The following RIMS2 variants were observed in gnomAD, a reference collection of about 807,000 sequenced individuals.
The protein encoded by RIMS2 is regulating synaptic membrane exocytosis protein 2.
In RIMS2, 59 loss-of-function variants were observed where a neutral mutation model predicts 174.4. The ratio of observed to expected loss-of-function variants is 0.34; its 90% CI spans 0.27 to 0.42. The LOEUF (loss-of-function observed/expected upper bound fraction) is 0.42, where lower values mean the gene tolerates loss of function less well. Ranked by LOEUF, RIMS2 falls within the 10% of genes least tolerant of loss-of-function variation. The pLI, the probability that RIMS2 is intolerant of heterozygous loss-of-function variation, is 1.00. For synonymous variants in RIMS2, 606 were observed against 572.5 expected (o/e 1.06, Z -0.84); for missense variants, 1,620 against 1,666.3 (o/e 0.97, Z 0.48).
intron 2 of RIMS2, among the ~76,000 whole-genome samples, chr8:103,699,535 T>G (rs1427702543): frequency 1.3e-5 from 2 of 152,158 alleles, no homozygotes; most frequent in East Asian, 1.9e-4. Flanking sequence ...TGGCCCAGAT[T>G]TTTTGTTTTA....
chr8:103,902,654 A>C (rs1392915740), intron 4 of RIMS2, among the ~76,000 whole-genome samples: 1 of 152,160 alleles, frequency 6.6e-6, no homozygotes, highest in African/African-American at 2.4e-5. Flanking sequence ...TTTAGTGACT[A>C]TCTTATGAGA....
intron 3 of RIMS2, among the ~76,000 whole-genome samples, chr8:103,846,469 C>T (rs914292826): frequency 3.3e-5 from 5 of 152,072 alleles, no homozygotes; most frequent in Non-Finnish European, 2.9e-5. Flanking sequence ...TTTCTCTTAT[C>T]TATATACCCC....
intron 2 of RIMS2, among the ~76,000 whole-genome samples, chr8:103,745,481 C>T (rs2097800714): frequency 6.6e-6 from 1 of 152,086 alleles, no homozygotes. Flanking sequence ...TGGATATTAC[C>T]TAGGAGTGGA....
At chr8:103,802,548 A>G (rs2154456302) in intron 3 of RIMS2, among the ~76,000 whole-genome samples, 2 of 152,326 alleles carry the variant, frequency 1.3e-5, no homozygotes, top group African/African-American at 4.8e-5. Context: ...AAGGTGAGGC[A>G]AGGGTAGGGG....
At chr8:103,766,190 G>T in intron 2 of RIMS2, 37 bp from the exon 6 acceptor site, 2 of 1,437,890 alleles carry the variant, frequency 1.4e-6, no homozygotes, top group South Asian at 2.7e-5. Flanking sequence ...TAACTTTTGG[G>T]AACACTAATT....
chr8:103,972,688 T>C (rs1421391485), intron 15 of RIMS2, among the ~76,000 whole-genome samples: 1 of 152,158 alleles, frequency 6.6e-6, no homozygotes, highest in Non-Finnish European at 1.5e-5. Context: ...TTCACTTGTC[T>C]TAGAACCTTT....
intron 12 of RIMS2, among the ~76,000 whole-genome samples, chr8:103,933,444 T>C (rs966942496): frequency 2.6e-5 from 4 of 152,106 alleles, no homozygotes; most frequent in Non-Finnish European, 5.9e-5. Context: ...TGAGATTGCA[T>C]GCGGCATTGC....
At chr8:104,097,625 A>C (rs913235270) in intron 19 of RIMS2, among the ~76,000 whole-genome samples, 1 of 152,048 alleles carries the variant, frequency 6.6e-6, no homozygotes, top group Non-Finnish European at 1.5e-5. Flanking sequence ...AAAAAAAAAA[A>C]CAATGACAAG....
intron 1 of RIMS2, among the ~76,000 whole-genome samples, chr8:103,558,349 C>T (rs568600820): frequency 1.4e-4 from 22 of 152,158 alleles, no homozygotes; most frequent in African/African-American, 5.1e-4. Context: ...CTCAGCCTCC[C>T]GGTAGCTGGG....
intron 19 of RIMS2, among the ~76,000 whole-genome samples, chr8:104,128,586 A>G (rs1451244336): frequency 1.3e-5 from 2 of 152,150 alleles, no homozygotes; most frequent in Non-Finnish European, 2.9e-5. Context: ...AACCCCAGCT[A>G]CTAGGGAGGC....
intron 19 of RIMS2, among the ~76,000 whole-genome samples, chr8:104,092,331 C>T (rs983213689): frequency 1.3e-5 from 2 of 151,648 alleles, no homozygotes; most frequent in African/African-American, 4.8e-5. Context: ...ATGAAATTTG[C>T]TAGTATCTGT....
At chr8:104,011,863 C>G (rs149173590) in intron 17 of RIMS2, among the ~76,000 whole-genome samples, 14 of 151,974 alleles carry the variant, frequency 9.2e-5, no homozygotes, top group African/African-American at 3.1e-4. Flanking sequence ...CATAGATATA[C>G]CCTTTGTTTC....
At chr8:103,645,142 A>G (rs2096301262) in intron 1 of RIMS2, among the ~76,000 whole-genome samples, 1 of 152,090 alleles carries the variant, frequency 6.6e-6, no homozygotes, top group Admixed American at 6.5e-5. Flanking sequence ...TCAAAGAAAT[A>G]CAAGTTTTCT....
At chr8:103,725,222 C>T (rs569913949) in intron 2 of RIMS2, among the ~76,000 whole-genome samples, 39 of 152,156 alleles carry the variant, frequency 2.6e-4, no homozygotes, top group Admixed American at 6.5e-4. Flanking sequence ...TATTTCCTTT[C>T]TGTAAAAAAT....
At chr8:103,999,365 C>G (rs1488716565) in intron 17 of RIMS2, among the ~76,000 whole-genome samples, 1 of 151,546 alleles carries the variant, frequency 6.6e-6, no homozygotes, top group East Asian at 1.9e-4. Context: ...TTAGTGCCTT[C>G]CAGTTTATTA....
At chr8:104,129,542 G>A (rs1469425233) in intron 19 of RIMS2, among the ~76,000 whole-genome samples, 1 of 152,246 alleles carries the variant, frequency 6.6e-6, no homozygotes, top group East Asian at 1.9e-4. Context: ...GGAGGAAGCT[G>A]TGCCAGATAG....
At chr8:103,517,064 A>C (rs1267989502) in intron 1 of RIMS2, among the ~76,000 whole-genome samples, 1 of 152,188 alleles carries the variant, frequency 6.6e-6, no homozygotes, top group Non-Finnish European at 1.5e-5. Flanking sequence ...GGAAACAGAG[A>C]GGAATAGGAC....
intron 19 of RIMS2, among the ~76,000 whole-genome samples, chr8:104,106,146 C>G (rs1346847985): frequency 6.7e-6 from 1 of 150,218 alleles, no homozygotes; most frequent in Non-Finnish European, 1.5e-5. Context: ...CCTACCCAGA[C>G]TTGTCTTGAA....
chr8:103,853,138 T>A (rs1279139440), intron 3 of RIMS2, among the ~76,000 whole-genome samples: 2 of 152,088 alleles, frequency 1.3e-5, no homozygotes, highest in Admixed American at 6.6e-5. Flanking sequence ...ATAATAAGTA[T>A]CTCAATGTGG....
Sources: gnomAD v4.1 joint callset for allele counts (sites outside exome capture counted in the v4.1 genomes callset) on GRCh38, gnomAD v4.1.1 for gene constraint, MANE v1.5 for transcripts, NCBI Gene and HGNC (gene_info 2026-07-23, HGNC 2026-07-21) for gene names.